ARL15: variants seen among roughly 807,000 people sequenced by gnomAD.
ARL15 encodes ARF like GTPase 15.
In ARL15, 19 loss-of-function variants were observed where a neutral mutation model predicts 25.2. The observed-to-expected ratio is 0.75, with a 90% CI of 0.53 to 1.10. The LOEUF (loss-of-function observed/expected upper bound fraction) is 1.10. Among genes scored for constraint, ARL15 ranks in the 50% least tolerant of loss-of-function variants. ARL15 has a pLI of 0.00. For synonymous variants in ARL15, 94 were observed against 86.8 expected (o/e 1.08, Z -0.46); for missense variants, 220 against 246.0 (o/e 0.89, Z 0.71).
intron 1 of ARL15, among the ~76,000 whole-genome samples, chr5:54,196,812 GA>G (rs924882792): frequency 6.6e-6 from 1 of 152,040 alleles, no homozygotes; most frequent in Non-Finnish European, 1.5e-5. Context: ...AACTGAAATA[GA>G]ATTCTAAATA....
intron 4 of ARL15, among the ~76,000 whole-genome samples, chr5:54,080,636 CTAA>C: frequency 6.6e-6 from 1 of 152,066 alleles, no homozygotes; most frequent in Admixed American, 6.6e-5. Context: ...TAATAAATTT[CTAA>C]TAATATTCAT....
chr5:54,054,212 T>C (rs1254687505), intron 4 of ARL15, among the ~76,000 whole-genome samples: 1 of 152,230 alleles, frequency 6.6e-6, no homozygotes, highest in Non-Finnish European at 1.5e-5. Flanking sequence ...TTGTATTTAA[T>C]ATCTTTCCTC....
chr5:54,051,693 G>C (rs1750705530), intron 4 of ARL15, among the ~76,000 whole-genome samples: 1 of 152,174 alleles, frequency 6.6e-6, no homozygotes, highest in Admixed American at 6.5e-5. Context: ...AAAGCAAATG[G>C]AATTCTCATT....
intron 1 of ARL15, among the ~76,000 whole-genome samples, chr5:54,205,539 C>T (rs528506598): frequency 1.8e-4 from 27 of 152,276 alleles, no homozygotes; most frequent in Admixed American, 7.2e-4. Flanking sequence ...TGACACTTAC[C>T]GAAGAGCAGT....
chr5:54,172,569 A>G (rs1226714010), intron 1 of ARL15, among the ~76,000 whole-genome samples: 1 of 152,122 alleles, frequency 6.6e-6, no homozygotes, highest in Non-Finnish European at 1.5e-5. Flanking sequence ...GTTCTGAGAA[A>G]ATATTCTAAT....
intron 1 of ARL15, among the ~76,000 whole-genome samples, chr5:54,254,871 A>G (rs1218632411): frequency 1.3e-5 from 2 of 152,224 alleles, no homozygotes; most frequent in African/African-American, 4.8e-5. Context: ...TGCTTTTTGC[A>G]TTAGAGCAAC....
chr5:53,928,363 A>T (rs1746096664), intron 4 of ARL15, among the ~76,000 whole-genome samples: 1 of 152,224 alleles, frequency 6.6e-6, no homozygotes, highest in Non-Finnish European at 1.5e-5. Flanking sequence ...CCTAGCCATG[A>T]TCTTTCTAAA....
intron 4 of ARL15, among the ~76,000 whole-genome samples, chr5:54,025,600 C>G (rs1749767645): frequency 6.6e-6 from 1 of 152,140 alleles, no homozygotes; most frequent in Non-Finnish European, 1.5e-5. Flanking sequence ...ATAATCACTG[C>G]TTTTCTTTCC....
chr5:54,234,124 T>C (rs1756740491), intron 1 of ARL15, among the ~76,000 whole-genome samples: 1 of 152,088 alleles, frequency 6.6e-6, no homozygotes, highest in South Asian at 2.1e-4. Context: ...GCTTCCCAAG[T>C]AGCTGGGATT....
chr5:54,164,255 TA>T (rs1452545272), intron 2 of ARL15, among the ~76,000 whole-genome samples: 9 of 152,046 alleles, frequency 5.9e-5, no homozygotes, highest in African/African-American at 2.2e-4. Flanking sequence ...TGAAGCCACT[TA>T]AACTTATTTA....
At chr5:53,991,646 G>C (rs944625065) in intron 4 of ARL15, among the ~76,000 whole-genome samples, 1 of 150,944 alleles carries the variant, frequency 6.6e-6, no homozygotes, top group Non-Finnish European at 1.5e-5. Context: ...AACAGAGCAA[G>C]ATCAGAAGTA....
intron 1 of ARL15, among the ~76,000 whole-genome samples, chr5:54,202,530 T>C (rs1300480514): frequency 6.6e-6 from 1 of 152,124 alleles, no homozygotes; most frequent in Non-Finnish European, 1.5e-5. Flanking sequence ...AAAGGGAATC[T>C]CCTCTAAAGG....
At chr5:53,918,760 G>A (rs1745741708) in intron 4 of ARL15, among the ~76,000 whole-genome samples, 1 of 151,702 alleles carries the variant, frequency 6.6e-6, no homozygotes, top group South Asian at 2.1e-4. Flanking sequence ...TGAAATAAAA[G>A]AGTCTGAGTA....
intron 2 of ARL15, among the ~76,000 whole-genome samples, chr5:54,156,259 A>T (rs1309149395): frequency 1.3e-5 from 2 of 152,220 alleles, no homozygotes; most frequent in Non-Finnish European, 2.9e-5. Flanking sequence ...TTGGAGTCAG[A>T]CAGAACTAGG....
chr5:53,922,471 A>T (rs184949991), intron 4 of ARL15, among the ~76,000 whole-genome samples: 2 of 152,290 alleles, frequency 1.3e-5, no homozygotes, highest in African/African-American at 4.8e-5. Context: ...TTCTGTGTAG[A>T]TAATGTTTAG....
chr5:53,997,547 TCAGCAC>T (rs1471123352), intron 4 of ARL15, among the ~76,000 whole-genome samples: 28 of 152,300 alleles, frequency 1.8e-4, no homozygotes, highest in African/African-American at 6.5e-4. Context: ...CTACATCATC[TCAGCAC>T]CATAGCATGA....
intron 1 of ARL15, among the ~76,000 whole-genome samples, chr5:54,190,504 C>G (rs1191108596): frequency 6.6e-6 from 1 of 152,168 alleles, no homozygotes; most frequent in African/African-American, 2.4e-5. Context: ...TTCATTTTCT[C>G]ACAGTTCTGG....
chr5:54,028,266 T>C (rs778741333), intron 4 of ARL15, among the ~76,000 whole-genome samples: 5 of 152,120 alleles, frequency 3.3e-5, no homozygotes, highest in Non-Finnish European at 7.4e-5. Context: ...ATATAAATGA[T>C]GAATCATTCC....
intron 4 of ARL15, among the ~76,000 whole-genome samples, chr5:53,980,636 G>A (rs1185337239): frequency 6.6e-6 from 1 of 152,148 alleles, no homozygotes; most frequent in Non-Finnish European, 1.5e-5. Context: ...TAATCCCACA[G>A]AGCTAAGAAC....
Sources: gnomAD v4.1 joint callset for allele counts (sites outside exome capture counted in the v4.1 genomes callset) on GRCh38, gnomAD v4.1.1 for gene constraint, MANE v1.5 for transcripts, NCBI Gene and HGNC (gene_info 2026-07-23, HGNC 2026-07-21) for gene names.